The following ARB2A variants were observed in gnomAD, a reference collection of about 807,000 sequenced individuals.
ARB2A encodes ARB2 cotranscriptional regulator A, also known as cotranscriptional regulator ARB2A.
the ARB2A span, among the ~76,000 whole-genome samples, chr5:93,842,311 A>G: frequency 6.6e-6 from 1 of 152,168 alleles, no homozygotes; most frequent in African/African-American, 2.4e-5. Flanking sequence ...TATATCATCT[A>G]TGGTTGCTTT....
chr5:93,856,811 TC>T, the ARB2A span, among the ~76,000 whole-genome samples: 3 of 152,082 alleles, frequency 2.0e-5, no homozygotes, highest in African/African-American at 7.2e-5. Flanking sequence ...CCAGCTTTGT[TC>T]CGTTACTGGT....
chr5:93,761,227 C>T, the ARB2A span, among the ~76,000 whole-genome samples: 1 of 152,118 alleles, frequency 6.6e-6, no homozygotes. Flanking sequence ...GTGGGTGCAG[C>T]ACACCGAGCG....
the ARB2A span, among the ~76,000 whole-genome samples, chr5:93,726,300 G>A: frequency 6.6e-6 from 1 of 151,954 alleles, no homozygotes; most frequent in African/African-American, 2.4e-5. Context: ...TCTTCACTGG[G>A]CTGTCAACTA....
At chr5:93,643,448 A>G in the ARB2A span, among the ~76,000 whole-genome samples, 2 of 152,222 alleles carry the variant, frequency 1.3e-5, no homozygotes, top group East Asian at 3.9e-4. Flanking sequence ...TACTCTAGCC[A>G]TATAATATTA....
the ARB2A span, chr5:93,741,647 G>GC: frequency 5.7e-6 from 8 of 1,413,736 alleles, no homozygotes; most frequent in Middle Eastern, 2.6e-4. Flanking sequence ...CTCAAGCCCC[G>GC]CCCCCCAGTG....
chr5:93,925,811 A>C, the ARB2A span, among the ~76,000 whole-genome samples: 4 of 152,180 alleles, frequency 2.6e-5, no homozygotes, highest in Non-Finnish European at 5.9e-5. Flanking sequence ...ATAAGAAAAA[A>C]ATCTCAAATC....
At chr5:94,073,763 C>G in the ARB2A span, among the ~76,000 whole-genome samples, 1 of 152,056 alleles carries the variant, frequency 6.6e-6, no homozygotes, top group Non-Finnish European at 1.5e-5. Context: ...TGCAGTAAAA[C>G]CTTCTATAGG....
At chr5:93,620,750 C>G in the ARB2A span, 7 of 422,322 alleles carry the variant, frequency 1.7e-5, no homozygotes, top group Non-Finnish European at 2.8e-5. Context: ...TGAGCGCTGA[C>G]TGGCAGCGCT....
the ARB2A span, among the ~76,000 whole-genome samples, chr5:93,695,841 A>G: frequency 6.6e-6 from 1 of 152,214 alleles, no homozygotes; most frequent in Non-Finnish European, 1.5e-5. Context: ...TACACTATGG[A>G]ATACTATGCA....
At chr5:93,755,741 C>G in the ARB2A span, among the ~76,000 whole-genome samples, 13 of 152,282 alleles carry the variant, frequency 8.5e-5, no homozygotes, top group African/African-American at 3.1e-4. Context: ...CTTGCTGGGT[C>G]CCCTAGCAGG....
the ARB2A span, among the ~76,000 whole-genome samples, chr5:93,952,165 C>T: frequency 4.4e-4 from 67 of 152,280 alleles, no homozygotes; most frequent in Non-Finnish European, 3.4e-4. Context: ...AAGCAATCTA[C>T]AAATTCAGTG....
chr5:93,706,915 T>C, the ARB2A span, among the ~76,000 whole-genome samples: 1 of 152,036 alleles, frequency 6.6e-6, no homozygotes, highest in Non-Finnish European at 1.5e-5. Flanking sequence ...TTATTATGAT[T>C]CTAGTAAAGA....
chr5:93,700,744 G>A, the ARB2A span, among the ~76,000 whole-genome samples: 1 of 151,850 alleles, frequency 6.6e-6, no homozygotes, highest in Non-Finnish European at 1.5e-5. Flanking sequence ...GCAGATAAAC[G>A]TTTCCATATT....
the ARB2A span, among the ~76,000 whole-genome samples, chr5:94,070,084 C>A: frequency 1.3e-5 from 2 of 150,828 alleles, no homozygotes; most frequent in Non-Finnish European, 2.9e-5. Flanking sequence ...ATATAATATA[C>A]ACAATGGAAT....
chr5:93,873,325 G>A, the ARB2A span, among the ~76,000 whole-genome samples: 2 of 7,052 alleles, frequency 2.8e-4, no homozygotes, highest in African/African-American at 7.7e-4. Flanking sequence ...GAAAGGAAAG[G>A]AAAGGAAAGG....
chr5:93,931,739 T>TA, the ARB2A span, among the ~76,000 whole-genome samples: 6,293 of 147,388 alleles, frequency 0.043, 408 homozygotes, highest in African/African-American at 0.15. Context: ...GCAGTCAGAT[T>TA]AAAAAAAAAA....
the ARB2A span, among the ~76,000 whole-genome samples, chr5:93,944,199 C>A: frequency 2.0e-5 from 3 of 152,122 alleles, no homozygotes; most frequent in Non-Finnish European, 2.9e-5. Context: ...AGTGAACTAC[C>A]TGTCACCGGA....
the ARB2A span, among the ~76,000 whole-genome samples, chr5:93,893,111 G>T: frequency 6.6e-6 from 1 of 151,976 alleles, no homozygotes; most frequent in Non-Finnish European, 1.5e-5. Flanking sequence ...ATTAAAAAAT[G>T]CCATAAAACC....
chr5:93,955,757 T>G, the ARB2A span, among the ~76,000 whole-genome samples: 56 of 152,330 alleles, frequency 3.7e-4, no homozygotes, highest in Non-Finnish European at 6.0e-4. Flanking sequence ...CTCAGCTGTG[T>G]GGGACTGCCT....
Sources: gnomAD v4.1 joint callset for allele counts (sites outside exome capture counted in the v4.1 genomes callset) on GRCh38, gnomAD v4.1.1 for gene constraint, MANE v1.5 for transcripts, NCBI Gene and HGNC (gene_info 2026-07-23, HGNC 2026-07-21) for gene names.